The following CCS variants were observed in gnomAD, a reference collection of about 807,000 sequenced individuals.
The protein encoded by CCS is copper chaperone for superoxide dismutase.
Under a neutral mutation model 35.5 loss-of-function variants are expected in CCS, and 32 were observed. The ratio of observed to expected loss-of-function variants is 0.90; its 90% CI spans 0.68 to 1.21. The LOEUF (loss-of-function observed/expected upper bound fraction) is 1.21. CCS is among the 50% of genes most tolerant of loss of function. The pLI is 0.00. For missense variants in CCS, 342 were observed against 375.4 expected (o/e 0.91, Z 0.73); for synonymous variants, 130 against 147.2 (o/e 0.88, Z 0.84).
chr11:66,601,892 TC>T (rs1286111695), intron 5 of CCS, among the ~76,000 whole-genome samples: 1 of 152,136 alleles, frequency 6.6e-6, no homozygotes, highest in African/African-American at 2.4e-5. Context: ...TTTTTTTTTT[TC>T]TTTTTCTTTT....
At chr11:66,598,287 A>T (rs1338226180) in intron 2 of CCS, among the ~76,000 whole-genome samples, 1 of 151,756 alleles carries the variant, frequency 6.6e-6, no homozygotes, top group African/African-American at 2.4e-5. Flanking sequence ...AGATGACCTG[A>T]GGTCAGGAGT....
At position 66,605,407 on chromosome 11, in the gene CCS, G is replaced by A; in HGVS notation, c.558G>A (p.Glu186=). ...DGRAIFRMED[E]QLKVWDVIGR... ...GCGCCATCTTCAGAATGGAGGATGA[G>A]CAGCTGAAGGTAAGGTGGAAAAGAA... is the stretch of plus-strand genomic sequence containing the variant. Residue 186 remains glutamate (E), a synonymous_variant, in exon 6 of 8, where the codon GAG becomes GAA. Transcript: ENST00000533244. The A allele has an allele frequency of 6.2e-7, 1 of 1,614,206 alleles. No homozygotes were observed. Among genetic ancestry groups the A allele is most frequent in the Non-Finnish European group, 8.5e-7 (1 of 1,180,042 alleles).
intron 5 of CCS, among the ~76,000 whole-genome samples, chr11:66,602,761 G>A (rs1286569980): frequency 1.3e-5 from 2 of 152,248 alleles, no homozygotes; most frequent in African/African-American, 2.4e-5. Context: ...GCCCCAGGTG[G>A]GGCAGGGAAT....
chr11:66,604,315 C>T (rs1180167259), intron 5 of CCS, among the ~76,000 whole-genome samples: 1 of 152,162 alleles, frequency 6.6e-6, no homozygotes, highest in Non-Finnish European at 1.5e-5. Flanking sequence ...GTTCAAATCT[C>T]CAACGCAGGG....
chr11:66,599,505 G>A lies in CCS; in HGVS notation c.297G>A (p.Val99=). The change falls in exon 4 of 8, where the codon GTG becomes GTA. Residue 99 remains valine, a synonymous_variant. Transcript: ENST00000533244. ...AVAILGGPGT[V]QGVVRFLQLT... is the part of the protein sequence containing the mutation. Reference sequence around the variant, plus strand: ...CCATCCTGGGGGGGCCTGGCACCGTGCAGGGGGTGGTGCGCTTCCTACAGC... The same window carrying A: ...CCATCCTGGGGGGGCCTGGCACCGTACAGGGGGTGGTGCGCTTCCTACAGC... The A allele has an allele frequency of 6.3e-7, 1 of 1,577,834 alleles. No homozygotes were observed. Among genetic ancestry groups the A allele is most frequent in the Non-Finnish European group, 8.6e-7 (1 of 1,164,010 alleles).
At position 66,599,273 on chromosome 11, in the gene CCS, T is replaced by G; in HGVS notation, c.250+20T>G. 1.3e-6 allele frequency: 2 copies of G among 1,574,314 alleles called. No homozygotes were observed. The highest frequency in any genetic ancestry group is 1.7e-6 in the Non-Finnish European group (2 of 1,161,836). On this transcript the variant is annotated intron_variant, in intron 3 of 7. Coordinates refer to ENST00000533244, the MANE Select transcript of CCS (RefSeq NM_005125.2). ...AGTTGCGTGAGTGACCACTGTGGCCTTGGCCCCTCTCGGAGGGAGGTGGCT... is the reference window on the plus strand; with the variant it reads ...AGTTGCGTGAGTGACCACTGTGGCCGTGGCCCCTCTCGGAGGGAGGTGGCT...
At chr11:66,600,969 G>A (rs1206485463) in intron 5 of CCS, among the ~76,000 whole-genome samples, 3 of 152,198 alleles carry the variant, frequency 2.0e-5, no homozygotes, top group Non-Finnish European at 4.4e-5. Flanking sequence ...CTAACACCCC[G>A]GTCCTGGAGT....
At chr11:66,599,314 T>G in intron 3 of CCS, 61 bp downstream of exon 3, 2 of 1,524,266 alleles carry the variant, frequency 1.3e-6, no homozygotes, top group Non-Finnish European at 1.8e-6. Flanking sequence ...CTGGTACAAA[T>G]CTAATCATAG....
chr11:66,596,444 A>T (rs968836199), intron 2 of CCS, among the ~76,000 whole-genome samples: 24 of 150,024 alleles, frequency 1.6e-4, no homozygotes, highest in African/African-American at 5.2e-4. Flanking sequence ...CAGTGGCGCA[A>T]TCTCGGCTCA....
In CCS at chr11:66,593,613, T is replaced by G. The variant is rs754306514; in HGVS notation, c.40-29T>G. 6 of 1,610,878 alleles carry G rather than the reference T, an allele frequency of 3.7e-6. No homozygotes were observed. In the South Asian group the frequency reaches 4.4e-5, roughly 12 times the overall value. On this transcript the variant is annotated intron_variant, in intron 1 of 7. Transcript: ENST00000533244. ...TCATACCAAGGCACTTCCCCAGCGA[T>G]CATCGGTTGGTCCCTGCCGCCCTTG...
At position 66,598,416 on chromosome 11, in the gene CCS, AG is replaced by A. The variant is rs1379434373; in HGVS notation, c.113-698del. 4.7e-5 allele frequency among the ~76,000 whole-genome samples: 7 copies of A among 149,208 alleles called. 1 individual carries two copies. The highest frequency in any genetic ancestry group is 1.0e-4 in the Non-Finnish European group (7 of 67,342). On this transcript the variant is annotated intron_variant, in intron 2 of 7. Coordinates refer to ENST00000533244, the MANE Select transcript of CCS (RefSeq NM_005125.2). ...GTAGTCCCTGCTACTCGGGAGGCTA[AG>A]GCAGGAGAATCGCTTGAACCCGGGA...
chr11:66,602,650 C>T (rs1159585713), intron 5 of CCS, among the ~76,000 whole-genome samples: 13 of 151,432 alleles, frequency 8.6e-5, no homozygotes. Flanking sequence ...TTGGCAAGCC[C>T]AGCAAAAGAA....
chr11:66,603,771 G>A (rs1858607389), intron 5 of CCS, among the ~76,000 whole-genome samples: 1 of 152,160 alleles, frequency 6.6e-6, no homozygotes, highest in Non-Finnish European at 1.5e-5. Flanking sequence ...GCGTGAACCT[G>A]GGAGGCGGAG....
chr11:66,604,698 G>T (rs1205214325), intron 5 of CCS, among the ~76,000 whole-genome samples: 4 of 152,186 alleles, frequency 2.6e-5, no homozygotes, highest in Non-Finnish European at 5.9e-5. Context: ...GTTGGGTAGT[G>T]TGTCTGACCT....
chr11:66,597,754 A>G (rs1858503525), intron 2 of CCS, among the ~76,000 whole-genome samples: 1 of 150,684 alleles, frequency 6.6e-6, no homozygotes, highest in South Asian at 2.1e-4. Context: ...TCTGTCTCAA[A>G]AAAAAAAAAA....
At chr11:66,596,228 G>C (rs1475931018) in intron 2 of CCS, among the ~76,000 whole-genome samples, 1 of 151,950 alleles carries the variant, frequency 6.6e-6, no homozygotes, top group African/African-American at 2.4e-5. Context: ...CACCATGCCT[G>C]GCTAATTTTC....
intron 2 of CCS, among the ~76,000 whole-genome samples, chr11:66,597,082 C>T (rs187861755): frequency 4.3e-4 from 65 of 152,336 alleles, no homozygotes; most frequent in African/African-American, 1.5e-3. Context: ...ACACAGGATT[C>T]GCTCACCGTC....
At chr11:66,597,840 G>A (rs542770423) in intron 2 of CCS, among the ~76,000 whole-genome samples, 4 of 151,722 alleles carry the variant, frequency 2.6e-5, no homozygotes, top group Admixed American at 2.6e-4. Flanking sequence ...AGGCTTGCTT[G>A]AACCCAGGAG....
intron 5 of CCS, among the ~76,000 whole-genome samples, chr11:66,602,223 T>A (rs1858582689): frequency 1.3e-5 from 2 of 152,140 alleles, no homozygotes; most frequent in South Asian, 4.1e-4. Flanking sequence ...GGGGCAGGAA[T>A]TTGTGTGTGA....
Sources: gnomAD v4.1 joint callset for allele counts (sites outside exome capture counted in the v4.1 genomes callset) on GRCh38, gnomAD v4.1.1 for gene constraint, MANE v1.5 for transcripts, NCBI Gene and HGNC (gene_info 2026-07-23, HGNC 2026-07-21) for gene names.